Variants in EXT2 observed in about 807,000 individuals in gnomAD.
The protein encoded by EXT2 is exostosin-2.
A neutral mutation model predicts 81.6 loss-of-function variants in EXT2; 53 were observed. The observed-to-expected ratio is 0.65, with a 90% CI of 0.52 to 0.82. The LOEUF is 0.82. Ranked by LOEUF, EXT2 falls within the 40% of genes least tolerant of loss-of-function variation. EXT2 has a pLI of 0.00. For missense variants in EXT2, 774 were observed against 910.2 expected, an observed-to-expected ratio of 0.85 and a Z score of 1.93; for synonymous variants, 320 against 340.0, an observed-to-expected ratio of 0.94 and a Z score of 0.65.
chr11:44,205,931 A>G (rs1425825420), intron 9 of EXT2, among the ~76,000 whole-genome samples: 2 of 152,242 alleles, frequency 1.3e-5, no homozygotes, highest in Non-Finnish European at 2.9e-5. Context: ...ATTTCATGCT[A>G]TGCTAAATGC....
chr11:44,104,134 G>A (rs1954022427), intron 1 of EXT2, among the ~76,000 whole-genome samples: 1 of 151,664 alleles, frequency 6.6e-6, no homozygotes, highest in Admixed American at 6.6e-5. Context: ...CCTCAATTTT[G>A]TCATACATAG....
chr11:44,219,843 A>G (rs1955763490), intron 10 of EXT2, among the ~76,000 whole-genome samples: 1 of 152,214 alleles, frequency 6.6e-6, no homozygotes, highest in Non-Finnish European at 1.5e-5. Flanking sequence ...CCATAAAACA[A>G]AGTACATACC....
chr11:44,178,292 G>C (rs547381269), intron 8 of EXT2, among the ~76,000 whole-genome samples: 28 of 152,270 alleles, frequency 1.8e-4, no homozygotes, highest in Middle Eastern at 6.8e-3. Context: ...CTCAAGTGTT[G>C]GATATTGATG....
chr11:44,244,553 A>G lies in EXT2; in HGVS notation c.*266A>G. 1 of 482,902 alleles carries G rather than the reference A, an allele frequency of 2.1e-6. No individual in the cohort carries two copies. The highest frequency in any genetic ancestry group is 3.6e-5 in the East Asian group (1 of 28,104). 29.9% of individuals were successfully genotyped at this position (482,902 alleles called of 1,614,324 possible). A position where few individuals can be genotyped will look rare whatever the true frequency, so the allele number is the denominator to read the frequency against. ...AATGCCAAGTGGAAGACTTTGTGGC[A>G]TGCTCCAGATTTAAATCCAGCTGAG... On this transcript the variant is annotated 3_prime_UTR_variant, in exon 14 of 14. Transcript: ENST00000533608.
intron 10 of EXT2, among the ~76,000 whole-genome samples, chr11:44,214,163 T>G (rs1159948307): frequency 1.3e-5 from 2 of 151,838 alleles, no homozygotes; most frequent in Admixed American, 6.6e-5. Context: ...GCCCAGGCTG[T>G]AGTGCAGTGG....
chr11:44,113,958 T>G (rs372784252), intron 3 of EXT2, among the ~76,000 whole-genome samples: 17 of 152,034 alleles, frequency 1.1e-4, no homozygotes, highest in African/African-American at 4.1e-4. Flanking sequence ...AACTGGGAAG[T>G]AAGGAAAGGG....
intron 3 of EXT2, among the ~76,000 whole-genome samples, chr11:44,110,353 A>T (rs1003844121): frequency 1.3e-5 from 2 of 152,196 alleles, no homozygotes; most frequent in African/African-American, 4.8e-5. Flanking sequence ...ACACTCCAGG[A>T]CCACCCTTCA....
intron 1 of EXT2, among the ~76,000 whole-genome samples, chr11:44,098,694 C>CAAAAA (rs781017263): frequency 2.8e-5 from 2 of 72,462 alleles, no homozygotes; most frequent in Non-Finnish European, 5.7e-5. Context: ...GATTCTGTCT[C>CAAAAA]AAAAAAAAAA....
chr11:44,178,490 G>T (rs1453041013), intron 8 of EXT2, among the ~76,000 whole-genome samples: 1 of 152,132 alleles, frequency 6.6e-6, no homozygotes, highest in Non-Finnish European at 1.5e-5. Flanking sequence ...AAAACTCAGG[G>T]CTGCCTATAC....
intron 7 of EXT2, among the ~76,000 whole-genome samples, chr11:44,168,105 A>G (rs1469752043): frequency 2.0e-5 from 3 of 152,022 alleles, no homozygotes; most frequent in Non-Finnish European, 4.4e-5. Context: ...GTTTACTGAG[A>G]ATGATGGTTT....
intron 8 of EXT2, among the ~76,000 whole-genome samples, chr11:44,186,349 C>A (rs1428236919): frequency 6.6e-6 from 1 of 152,180 alleles, no homozygotes. Context: ...ATTCCAAATT[C>A]TTTTAATATG....
At chr11:44,183,322 T>A (rs748853371) in intron 8 of EXT2, among the ~76,000 whole-genome samples, 2 of 152,224 alleles carry the variant, frequency 1.3e-5, no homozygotes, top group Non-Finnish European at 2.9e-5. Flanking sequence ...AATTTTAGCA[T>A]CCATTGGTGA....
intron 7 of EXT2, among the ~76,000 whole-genome samples, chr11:44,156,659 A>G (rs2135095453): frequency 6.6e-6 from 1 of 152,310 alleles, no homozygotes; most frequent in Admixed American, 6.5e-5. Context: ...TCCTCAAAAG[A>G]GCTAATTTGA....
intron 4 of EXT2, among the ~76,000 whole-genome samples, chr11:44,120,735 A>G (rs781114702): frequency 4.6e-5 from 7 of 152,196 alleles, no homozygotes; most frequent in African/African-American, 1.7e-4. Context: ...CATTTGTTCA[A>G]TGGGAAGTGG....
chr11:44,179,545 C>G (rs562803246), intron 8 of EXT2, among the ~76,000 whole-genome samples: 4 of 152,188 alleles, frequency 2.6e-5, no homozygotes, highest in Admixed American at 2.0e-4. Context: ...GCAAAGTAAT[C>G]TTTCATGTAC....
intron 10 of EXT2, among the ~76,000 whole-genome samples, chr11:44,228,220 A>G (rs147180565): frequency 2.6e-5 from 4 of 152,354 alleles, no homozygotes; most frequent in African/African-American, 7.2e-5. Flanking sequence ...AACAGTATAG[A>G]CAATTTAATA....
intron 1 of EXT2, among the ~76,000 whole-genome samples, chr11:44,104,214 A>C (rs1312119388): frequency 6.6e-6 from 1 of 152,106 alleles, no homozygotes; most frequent in African/African-American, 2.4e-5. Context: ...TATGGCCAGA[A>C]TTTTTTAAAA....
At chr11:44,210,348 A>G (rs1330055308) in intron 10 of EXT2, among the ~76,000 whole-genome samples, 1 of 152,252 alleles carries the variant, frequency 6.6e-6, no homozygotes, top group Non-Finnish European at 1.5e-5. Flanking sequence ...ATGCAACAAC[A>G]TGGACAGTTT....
chr11:44,110,533 A>G (rs956247492), intron 3 of EXT2, among the ~76,000 whole-genome samples: 8 of 152,198 alleles, frequency 5.3e-5, no homozygotes, highest in African/African-American at 1.9e-4. Context: ...TGGGGAAGTG[A>G]AATAACTTTG....
Sources: gnomAD v4.1 joint callset for allele counts (sites outside exome capture counted in the v4.1 genomes callset) on GRCh38, gnomAD v4.1.1 for gene constraint, MANE v1.5 for transcripts, NCBI Gene and HGNC (gene_info 2026-07-23, HGNC 2026-07-21) for gene names.